OR8G1: variants seen among roughly 807,000 people sequenced by gnomAD.
OR8G1 encodes olfactory receptor family 8 subfamily G member 1.
For synonymous variants in OR8G1, 129 were observed against 133.3 expected (o/e 0.97, Z 0.22); for missense variants, 372 against 356.2 (o/e 1.04, Z -0.36).
At chr11:124,245,416 G>T (rs530135278) in intron 1 of OR8G1, among the ~76,000 whole-genome samples, 18 of 150,948 alleles carry the variant, frequency 1.2e-4, no homozygotes, top group Middle Eastern at 3.4e-3. Flanking sequence ...GTCTATCATT[G>T]TTGGACATTT....
Position 124,250,385 on chromosome 11 carries a change from C to A in OR8G1, c.710C>A (p.Ala237Asp). ...CGCTCCACTGAGGGCAGGTCCAAAG[C>A]CTTCAGCACTTGTAGCTCCCACATG... ...HIRSTEGRSKAFSTCSSHMLA... is the reference protein window; with the variant it reads ...HIRSTEGRSKDFSTCSSHMLA... Residue 237 changes from alanine (A) to aspartate (D), a missense_variant, in exon 3 of 3, where the codon GCC becomes GAC. Ala to Asp is a moderately radical substitution (Grantham distance 126). Transcript: ENST00000641972. 1 of 1,613,738 alleles carries A rather than the reference C, an allele frequency of 6.2e-7. No individual in the cohort carries two copies. Among genetic ancestry groups the A allele is most frequent in the South Asian group, 1.1e-5 (1 of 91,072 alleles).
Position 124,241,340 on chromosome 11 carries a change from A to G in OR8G1, c.-121A>G, listed in dbSNP as rs1861758817. The G allele has an allele frequency of 6.6e-6, 1 of 152,134 alleles. No homozygotes were observed. The highest frequency in any genetic ancestry group is 2.4e-5 in the African/African-American group (1 of 41,440). The allele number at this position is 152,134 out of a possible 1,614,324, so 9.4% of individuals were successfully genotyped here. ...GAGGAAATTGCAAGTAAAATCAAGC[A>G]TTGAAGTTTTTAGGCAGTGGAAAGG... On this transcript the variant is annotated 5_prime_UTR_variant, in exon 1 of 3. Transcript: ENST00000641972.
rs2137750300 is a variant in OR8G1 at position 124,249,949 on chromosome 11, A to ATC, written c.277_278dup (p.Tyr94ProfsTer6). 6.2e-7 allele frequency: 1 copy of ATC among 1,613,954 alleles called. No individual in the cohort carries two copies. Among genetic ancestry groups the ATC allele is most frequent in the South Asian group, 1.1e-5 (1 of 91,076 alleles). On this transcript the variant is annotated frameshift_variant, in exon 3 of 3. Coordinates refer to ENST00000641972, the MANE Select transcript of OR8G1 (RefSeq NM_001002905.2). LOFTEE classifies it low-confidence loss of function (END_TRUNC). ...GAACTTTGTGACAGAGAAGAACATC[A>ATC]TCTCCTACCCTGAATGCATGACTCA...
chr11:124,250,541 T>A lies in OR8G1; in HGVS notation c.866T>A (p.Ile289Asn). The part of the protein sequence containing the change: ...TIIVPMLNPL[I>N]YSLRNKDVHV... The stretch of plus-strand genomic sequence containing the variant: ...ATTGTGCCCATGTTGAACCCTCTGA[T>A]TTATAGCCTGAGGAATAAAGATGTC... Residue 289 changes from isoleucine to asparagine, a missense_variant, in exon 3 of 3, where the codon ATT becomes AAT. Coordinates refer to ENST00000641972, the MANE Select transcript of OR8G1 (RefSeq NM_001002905.2). The A allele has an allele frequency of 4.0e-6, 2 of 494,612 alleles. 1 individual carries two copies. The highest frequency in any genetic ancestry group is 1.7e-4 in the South Asian group (2 of 11,642). The allele number at this position is 494,612 out of a possible 1,614,324, so 30.6% of individuals were successfully genotyped here.
chr11:124,245,051 A>G (rs904325752), intron 1 of OR8G1, among the ~76,000 whole-genome samples: 1 of 151,808 alleles, frequency 6.6e-6, no homozygotes, highest in East Asian at 1.9e-4. Context: ...TTTAGGGTAC[A>G]TGTGCACAAT....
Position 124,254,291 on chromosome 11 carries a change from T to G in OR8G1, c.*3680T>G, listed in dbSNP as rs975811944. On this transcript the variant is annotated 3_prime_UTR_variant, in exon 3 of 3. Coordinates refer to ENST00000641972, the MANE Select transcript of OR8G1 (RefSeq NM_001002905.2). ...TCTGCAATTTGATGATTTGTAATTT[T>G]GAACACTTTTTCATATACCTGTTGA... is the stretch of plus-strand genomic sequence containing the variant. 1 of 152,182 alleles carries G rather than the reference T, an allele frequency of 6.6e-6. No homozygotes were observed. Among genetic ancestry groups the G allele is most frequent in the African/African-American group, 2.4e-5 (1 of 41,456 alleles). The allele number at this position is 152,182 out of a possible 1,614,324, so 9.4% of individuals were successfully genotyped here.
At position 124,250,310 on chromosome 11, in the gene OR8G1, T is replaced by A. The variant is rs1404370468; in HGVS notation, c.635T>A (p.Leu212Gln). ...VGAFNILVPS[L>Q]TILCSYIFII... ...GCATTTAACATCCTTGTCCCCAGCC[T>A]GACCATCCTTTGCTCTTACATCTTT... is the stretch of plus-strand genomic sequence containing the variant. The change falls in exon 3 of 3, where the codon CTG (leucine) becomes CAG (glutamine). Residue 212 changes from leucine (L) to glutamine (Q), a missense_variant. By Grantham distance (113) the Leu-to-Gln change is moderately radical (BLOSUM62 -2). Transcript: ENST00000641972. 11 of 1,613,816 alleles carry A rather than the reference T, an allele frequency of 6.8e-6. No homozygotes were observed. The highest frequency in any genetic ancestry group is 2.2e-5 in the East Asian group (1 of 44,864).
intron 2 of OR8G1, 119 bp from the exon 3 acceptor site, chr11:124,249,541 T>C: frequency 4.8e-6 from 4 of 831,982 alleles, no homozygotes; most frequent in Non-Finnish European, 7.0e-6. Context: ...AGGTAAACTT[T>C]ACTTACTCAA....
At chr11:124,248,815 A>G (rs1861836574) in intron 2 of OR8G1, among the ~76,000 whole-genome samples, 1 of 116,934 alleles carries the variant, frequency 8.6e-6, no homozygotes, top group African/African-American at 3.7e-5. Context: ...AATTGACAGG[A>G]TATGAATAGG....
At chr11:124,243,328 A>G (rs1351590239) in intron 1 of OR8G1, among the ~76,000 whole-genome samples, 1 of 151,960 alleles carries the variant, frequency 6.6e-6, no homozygotes, top group Admixed American at 6.6e-5. Context: ...GTGTACATGT[A>G]AAGTATTTTT....
chr11:124,249,697 T>G lies in OR8G1; in HGVS notation c.22T>G (p.Ser8Ala). 1 of 1,613,364 alleles carries G rather than the reference T, an allele frequency of 6.2e-7. No homozygotes were observed. The highest frequency in any genetic ancestry group is 1.1e-5 in the South Asian group (1 of 91,050). The stretch of plus-strand genomic sequence containing the variant: ...GGAGATGTCAGGAGAAAATAATTCC[T>G]CAGTGACTGAGTTCATTCTGGCTGG... Reference protein sequence around the residue: MSGENNSSVTEFILAGLS... With the variant: MSGENNSAVTEFILAGLS... Residue 8 changes from serine (S) to alanine (A), a missense_variant, in exon 3 of 3, where the codon TCA becomes GCA. Physicochemically the swap from Ser to Ala is moderately conservative, Grantham distance 99. Coordinates refer to ENST00000641972, the MANE Select transcript of OR8G1 (RefSeq NM_001002905.2).
intron 1 of OR8G1, among the ~76,000 whole-genome samples, chr11:124,243,858 AACC>A (rs1565314920): frequency 6.6e-6 from 1 of 151,968 alleles, no homozygotes; most frequent in Admixed American, 6.6e-5. Flanking sequence ...AGGTGCAGCA[AACC>A]ACCATGGCAC....
At position 124,247,846 on chromosome 11, in the gene OR8G1, ATCT is replaced by A. The variant is rs1861827045; in HGVS notation, c.-48_-46del. The A allele has an allele frequency of 6.6e-6, 1 of 151,846 alleles. No individual in the cohort carries two copies. Among genetic ancestry groups the A allele is most frequent in the Admixed American group, 6.6e-5 (1 of 15,198 alleles). 9.4% of individuals were successfully genotyped at this position (151,846 alleles called of 1,614,324 possible). On this transcript the variant is annotated 5_prime_UTR_variant, in exon 2 of 3. Transcript: ENST00000641972. ...GGCTGTCATGAACATTTTTGTATAA[ATCT>A]TCATGTAGACAAACGTTTACATTTT... is the stretch of plus-strand genomic sequence containing the variant.
chr11:124,248,832 A>G (rs991624889), intron 2 of OR8G1, among the ~76,000 whole-genome samples: 1 of 150,142 alleles, frequency 6.7e-6, no homozygotes, highest in Non-Finnish European at 1.5e-5. Context: ...TAGGTAACAA[A>G]TACAATGATG....
intron 1 of OR8G1, among the ~76,000 whole-genome samples, 198 bp downstream of exon 1, chr11:124,241,562 C>G (rs1861761023): frequency 6.6e-6 from 1 of 152,074 alleles, no homozygotes; most frequent in African/African-American, 2.4e-5. Flanking sequence ...GGGTCCATCA[C>G]TGGGCTTATA....
At position 124,252,837 on chromosome 11, in the gene OR8G1, C is replaced by A. The variant is rs1861877281; in HGVS notation, c.*2226C>A. The A allele has an allele frequency of 6.6e-6, 1 of 152,132 alleles. No homozygotes were observed. The highest frequency in any genetic ancestry group is 2.1e-4 in the South Asian group (1 of 4,828). 9.4% of individuals were successfully genotyped at this position (152,132 alleles called of 1,614,324 possible). On this transcript the variant is annotated 3_prime_UTR_variant, in exon 3 of 3. Transcript: ENST00000641972. ...TTCAGATGCTCATTTGGCTTATGTACAGTCAGCTCAAAGAATTCTTGCTCT... is the reference window on the plus strand; with the variant it reads ...TTCAGATGCTCATTTGGCTTATGTAAAGTCAGCTCAAAGAATTCTTGCTCT...
At chr11:124,244,905 T>G (rs994087166) in intron 1 of OR8G1, among the ~76,000 whole-genome samples, 5 of 152,012 alleles carry the variant, frequency 3.3e-5, no homozygotes, top group African/African-American at 1.2e-4. Flanking sequence ...TCAGGAACTG[T>G]ATTATGTTGA....
intron 1 of OR8G1, among the ~76,000 whole-genome samples, chr11:124,242,257 G>A (rs2466664): frequency 0.51 from 77,611 of 151,662 alleles, 20,484 homozygotes; most frequent in South Asian, 0.7. Context: ...CTCATTGCCT[G>A]CAAATATTTC....
chr11:124,250,006 GA>G lies in OR8G1; in HGVS notation c.332del (p.Glu111GlyfsTer34), dbSNP rs1172396320. 2.5e-6 allele frequency: 4 copies of G among 1,613,736 alleles called. No homozygotes were observed. In the African/African-American group the frequency reaches 5.3e-5, roughly 22 times the overall value. On this transcript the variant is annotated frameshift_variant, in exon 3 of 3. Transcript: ENST00000641972. LOFTEE classifies it low-confidence loss of function (END_TRUNC). ...LYFFLVFAIA[E>X]CHMLAAMAYD... ...CTTCTTCCTCGTTTTTGCTATTGCAGAGTGTCACATGTTGGCTGCAATGGCG... is the reference window on the plus strand; with the variant it reads ...CTTCTTCCTCGTTTTTGCTATTGCAGGTGTCACATGTTGGCTGCAATGGCG...
Sources: allele counts gnomAD v4.1 joint callset (sites outside exome capture counted in the v4.1 genomes callset), GRCh38; gene constraint gnomAD v4.1.1; transcripts MANE v1.5; gene names NCBI Gene and HGNC (gene_info 2026-07-23, HGNC 2026-07-21).